The following PELI2 variants were observed in gnomAD, a reference collection of about 807,000 sequenced individuals.
PELI2 encodes E3 ubiquitin-protein ligase pellino homolog 2.
Under a neutral mutation model 42.3 loss-of-function variants are expected in PELI2, and 23 were observed. The observed-to-expected ratio is 0.54, with a 90% CI of 0.39 to 0.77. The LOEUF (loss-of-function observed/expected upper bound fraction) is 0.77, where lower values mean the gene tolerates loss of function less well. Among genes scored for constraint, PELI2 ranks in the 30% least tolerant of loss-of-function variants. The probability of loss-of-function intolerance (pLI) is 0.00; values close to 1 mark genes in which losing one functional copy is unlikely to be tolerated. For synonymous variants in PELI2, 245 were observed against 212.2 expected (o/e 1.15, Z -1.34); for missense variants, 463 against 553.2 (o/e 0.84, Z 1.64).
chr14:56,282,426 T>G (rs1312185735), intron 3 of PELI2, among the ~76,000 whole-genome samples: 3 of 152,054 alleles, frequency 2.0e-5, no homozygotes, highest in African/African-American at 7.2e-5. Context: ...GGTAAAATGG[T>G]TTAAATCATG....
At chr14:56,200,836 A>G (rs1324589937) in intron 2 of PELI2, among the ~76,000 whole-genome samples, 4 of 152,112 alleles carry the variant, frequency 2.6e-5, no homozygotes, top group Non-Finnish European at 5.9e-5. Context: ...TTGCATTTCA[A>G]ACAAACATTC....
intron 2 of PELI2, among the ~76,000 whole-genome samples, chr14:56,215,496 T>G (rs1254361072): frequency 1.3e-5 from 2 of 152,228 alleles, no homozygotes; most frequent in Admixed American, 1.3e-4. Flanking sequence ...GATTTAGGAC[T>G]TACTTATAGC....
chr14:56,276,126 G>C (rs999925988), intron 2 of PELI2, among the ~76,000 whole-genome samples: 11 of 152,256 alleles, frequency 7.2e-5, no homozygotes, highest in African/African-American at 2.6e-4. Flanking sequence ...CTAACAAAAA[G>C]TTCAATGCCA....
At chr14:56,225,806 C>T (rs3783675) in intron 2 of PELI2, among the ~76,000 whole-genome samples, 100,720 of 152,022 alleles carry the variant, frequency 0.66, 33,588 homozygotes, top group Middle Eastern at 0.7. Flanking sequence ...TGCACAGCTG[C>T]CCTTCCATGG....
intron 2 of PELI2, among the ~76,000 whole-genome samples, chr14:56,269,953 A>G (rs1424999174): frequency 6.6e-6 from 1 of 152,182 alleles, no homozygotes; most frequent in Non-Finnish European, 1.5e-5. Context: ...GGTACCACCA[A>G]CCAGATCTAG....
At chr14:56,171,000 A>G (rs970733455) in intron 1 of PELI2, among the ~76,000 whole-genome samples, 2 of 152,230 alleles carry the variant, frequency 1.3e-5, no homozygotes, top group Non-Finnish European at 2.9e-5. Context: ...TTTTATTTCT[A>G]CAAACTTACT....
intron 1 of PELI2, among the ~76,000 whole-genome samples, chr14:56,162,950 GA>G (rs1884818870): frequency 8.1e-6 from 1 of 123,722 alleles, no homozygotes; most frequent in African/African-American, 2.7e-5. Flanking sequence ...GGGATTGTTA[GA>G]TTTTTTTTTT....
intron 3 of PELI2, among the ~76,000 whole-genome samples, chr14:56,286,573 G>A (rs1447144544): frequency 1.3e-5 from 2 of 152,180 alleles, no homozygotes; most frequent in Admixed American, 1.3e-4. Context: ...CCTGGCTTGC[G>A]TGCTATATGA....
intron 1 of PELI2, among the ~76,000 whole-genome samples, chr14:56,139,782 C>T (rs997490913): frequency 1.3e-5 from 2 of 151,898 alleles, no homozygotes; most frequent in African/African-American, 4.8e-5. Context: ...GGCCAGAAGT[C>T]CTCACAGTAA....
At chr14:56,292,823 G>A (rs1396117155) in intron 5 of PELI2, 1 of 954,660 alleles carries the variant, frequency 1.0e-6, no homozygotes, top group African/African-American at 1.8e-5. Context: ...GGTGAATGGA[G>A]TTTGAATTGT....
At chr14:56,141,150 T>C (rs1477392830) in intron 1 of PELI2, among the ~76,000 whole-genome samples, 1 of 152,190 alleles carries the variant, frequency 6.6e-6, no homozygotes, top group East Asian at 1.9e-4. Flanking sequence ...GGGATTCCGT[T>C]GCATAGATGA....
intron 2 of PELI2, among the ~76,000 whole-genome samples, chr14:56,190,525 A>G (rs1885918996): frequency 6.6e-6 from 1 of 152,094 alleles, no homozygotes; most frequent in African/African-American, 2.4e-5. Context: ...CCTTGCTCCC[A>G]GTTACTCTCC....
At chr14:56,263,678 A>C (rs1888802004) in intron 2 of PELI2, among the ~76,000 whole-genome samples, 1 of 152,316 alleles carries the variant, frequency 6.6e-6, no homozygotes, top group African/African-American at 2.4e-5. Flanking sequence ...TAAAAAGCAA[A>C]CAGCAATAAA....
At chr14:56,245,782 TTTGTA>T (rs1490119258) in intron 2 of PELI2, among the ~76,000 whole-genome samples, 1 of 152,182 alleles carries the variant, frequency 6.6e-6, no homozygotes, top group Non-Finnish European at 1.5e-5. Context: ...TAATACAAAT[TTTGTA>T]TTGTATATCA....
intron 1 of PELI2, among the ~76,000 whole-genome samples, chr14:56,162,570 C>T (rs1884804640): frequency 6.6e-6 from 1 of 152,208 alleles, no homozygotes. Context: ...CTGCAGCAAA[C>T]ATAGGAATGC....
chr14:56,234,132 A>G (rs924189767), intron 2 of PELI2, among the ~76,000 whole-genome samples: 2 of 152,184 alleles, frequency 1.3e-5, no homozygotes, highest in East Asian at 1.9e-4. Context: ...GAGAAATAGG[A>G]ACACTTTGAC....
At chr14:56,129,153 C>G (rs1235410519) in intron 1 of PELI2, among the ~76,000 whole-genome samples, 1 of 152,168 alleles carries the variant, frequency 6.6e-6, no homozygotes, top group African/African-American at 2.4e-5. Flanking sequence ...AATAACATTT[C>G]AAGGCATTAT....
chr14:56,118,656 GCTCCATGTTTT>G lies in PELI2; in HGVS notation c.-3_8del. The G allele has an allele frequency of 7.0e-7, 1 of 1,437,262 alleles. No homozygotes were observed. The highest frequency in any genetic ancestry group is 9.2e-7 in the Non-Finnish European group (1 of 1,088,180). The allele number at this position is 1,437,262 out of a possible 1,614,324, so 89.0% of individuals were successfully genotyped here. On this transcript the variant is annotated start_lost and 5_prime_UTR_variant, in exon 1 of 6. Transcript: ENST00000267460. ...GCGGCGGCGTCGGCGGCCGAGCGGGGCTCCATGTTTTCCCCTGGCCAGGAGGAACACTGCGC... is the reference window on the plus strand; with the variant it reads ...GCGGCGGCGTCGGCGGCCGAGCGGGGCCCCTGGCCAGGAGGAACACTGCGC...
intron 1 of PELI2, among the ~76,000 whole-genome samples, chr14:56,131,191 C>T (rs1883469515): frequency 6.6e-6 from 1 of 152,204 alleles, no homozygotes; most frequent in African/African-American, 2.4e-5. Context: ...AGTCCAACAG[C>T]AGTCCAGGAA....
Sources: gnomAD v4.1 joint callset for allele counts (sites outside exome capture counted in the v4.1 genomes callset) on GRCh38, gnomAD v4.1.1 for gene constraint, MANE v1.5 for transcripts, NCBI Gene and HGNC (gene_info 2026-07-23, HGNC 2026-07-21) for gene names.